The following GCA variants were observed in gnomAD, a reference collection of about 807,000 sequenced individuals.
GCA encodes grancalcin, EF-hand calcium-binding protein.
A neutral mutation model predicts 32.6 loss-of-function variants in GCA; 30 were observed. That is an observed-to-expected ratio of 0.92 (90% CI 0.69 to 1.25). GCA has a LOEUF of 1.25. Among genes scored for constraint, GCA ranks in the 50% most tolerant of loss-of-function variants. The pLI, the probability that GCA is intolerant of heterozygous loss-of-function variation, is 0.00. For missense variants in GCA, 291 were observed against 266.8 expected (o/e 1.09, Z -0.63); for synonymous variants, 102 against 84.6 (o/e 1.21, Z -1.13).
rs766783966 is a variant in GCA at position 162,359,550 on chromosome 2, G to A, written c.625G>A (p.Asp209Asn). ...AGGGTCTGCGAATTTCATATATGAC[G>A]ATGTGAGTATCCTGCTTTTGATATT... The part of the protein sequence containing the change: ...QQGSANFIYD[D>N]FLQGTMAI Residue 209 changes from aspartate (D) to asparagine (N), a missense_variant and splice_region_variant, in exon 7 of 8, where the codon GAT (aspartate) becomes AAT (asparagine). Transcript: ENST00000437150. 4.7e-6 allele frequency: 7 copies of A among 1,504,294 alleles called. No individual in the cohort carries two copies. Among genetic ancestry groups the A allele is most frequent in the South Asian group, 3.6e-5 (3 of 84,436 alleles). 93.2% of individuals were successfully genotyped at this position (1,504,294 alleles called of 1,614,324 possible).
chr2:162,331,984 GA>G (rs1438425005), intron 1 of GCA, among the ~76,000 whole-genome samples: 2 of 152,024 alleles, frequency 1.3e-5, no homozygotes, highest in Admixed American at 1.3e-4. Flanking sequence ...TAATTGCTTA[GA>G]ACAAATAAAA....
At chr2:162,320,653 T>C (rs987583640) in intron 1 of GCA, among the ~76,000 whole-genome samples, 1 of 152,226 alleles carries the variant, frequency 6.6e-6, no homozygotes, top group African/African-American at 2.4e-5. Flanking sequence ...TATTTAAATA[T>C]TTGGCATTCA....
At chr2:162,344,628 T>G (rs1304556500) in intron 1 of GCA, 6 of 378,830 alleles carry the variant, frequency 1.6e-5, no homozygotes, top group Non-Finnish European at 2.9e-5. Context: ...CACTCAGTGT[T>G]GCTAGAGATC....
chr2:162,373,498 G>C, downstream of GCA: 1 of 1,569,322 alleles, frequency 6.4e-7, no homozygotes, highest in South Asian at 1.2e-5. Context: ...ACTTCGGTCA[G>C]TTTTGATGGA....
intron 1 of GCA, among the ~76,000 whole-genome samples, chr2:162,347,093 A>G (rs1458993379): frequency 6.6e-6 from 1 of 152,164 alleles, no homozygotes; most frequent in Non-Finnish European, 1.5e-5. Flanking sequence ...TTATATTGAC[A>G]TATAAAGTTT....
In GCA at chr2:162,356,762, A is replaced by C. The variant is rs1274926193; in HGVS notation, c.311A>C (p.Asp104Ala). The change falls in exon 5 of 8, where the codon GAT becomes GCT. Residue 104 changes from aspartate to alanine, a missense_variant. Transcript: ENST00000437150. ...CRIMIAMLDRDHTGKMGFNAF... is the reference protein window; with the variant it reads ...CRIMIAMLDRAHTGKMGFNAF... ...TTTTGTTAATAAAACTATCAGAGAG[A>C]TCACACAGGAAAAATGGGATTTAAT... 6.2e-7 allele frequency: 1 copy of C among 1,602,678 alleles called. No individual in the cohort carries two copies. Among genetic ancestry groups the C allele is most frequent in the Non-Finnish European group, 8.5e-7 (1 of 1,172,786 alleles).
At chr2:162,364,810 G>A (rs968685343), downstream of GCA, among the ~76,000 whole-genome samples, 6 of 151,546 alleles carry the variant, frequency 4.0e-5, no homozygotes, top group African/African-American at 1.5e-4. Context: ...TTAAAAAAAT[G>A]AAGCAAACGT....
At chr2:162,337,391 A>G (rs561967896) in intron 1 of GCA, among the ~76,000 whole-genome samples, 37 of 152,318 alleles carry the variant, frequency 2.4e-4, no homozygotes, top group Admixed American at 2.2e-3. Flanking sequence ...ATGGGTCCTC[A>G]ACACTGCTTG....
intron 1 of GCA, among the ~76,000 whole-genome samples, chr2:162,320,995 A>G (rs1345521547): frequency 1.3e-5 from 2 of 152,162 alleles, no homozygotes; most frequent in Non-Finnish European, 2.9e-5. Flanking sequence ...TTTTCTCACA[A>G]GTAGGAGTCT....
chr2:162,373,219 T>A (rs1020856201), downstream of GCA, among the ~76,000 whole-genome samples: 7 of 151,988 alleles, frequency 4.6e-5, no homozygotes, highest in South Asian at 2.1e-4. Flanking sequence ...GTTTTCCTTT[T>A]AAAAAAAATG....
chr2:162,356,598 A>G, intron 4 of GCA, 117 bp downstream of exon 4: 1 of 866,358 alleles, frequency 1.2e-6, no homozygotes, highest in South Asian at 1.5e-5. Flanking sequence ...AATACTTTGT[A>G]AGATCCTGTT....
exon 5 of GCA, chr2:162,371,423 C>T: frequency 7.8e-7 from 1 of 1,287,936 alleles, no homozygotes; most frequent in Non-Finnish European, 1.0e-6. Context: ...TGAGGATCAT[C>T]TGAATTTGAG....
chr2:162,342,136 C>T (rs894504777), upstream of GCA, among the ~76,000 whole-genome samples: 74 of 151,986 alleles, frequency 4.9e-4, no homozygotes, highest in African/African-American at 1.7e-3. Context: ...AACTCTATGG[C>T]CTTATTTGAA....
chr2:162,335,359 G>A (rs1206214003), intron 1 of GCA, among the ~76,000 whole-genome samples: 2 of 149,712 alleles, frequency 1.3e-5, no homozygotes, highest in Non-Finnish European at 3.0e-5. Flanking sequence ...AGGTTGCAGT[G>A]AGCTGAGATC....
At chr2:162,341,267 T>TTATATATATATATA (rs3052040), upstream of GCA, among the ~76,000 whole-genome samples, 608 of 116,176 alleles carry the variant, frequency 5.2e-3, 3 homozygotes, top group Non-Finnish European at 6.3e-3. Context: ...CTTATTTATT[T>TTATATATATATATA]TATATATATA....
upstream of GCA, among the ~76,000 whole-genome samples, chr2:162,343,932 G>A (rs1684537413): frequency 6.6e-6 from 1 of 152,180 alleles, no homozygotes; most frequent in South Asian, 2.1e-4. Flanking sequence ...ACCTGAGGGA[G>A]CCAGTAAGAG....
chr2:162,342,969 G>A (rs1235748609), upstream of GCA, among the ~76,000 whole-genome samples: 4 of 152,170 alleles, frequency 2.6e-5, no homozygotes, highest in Admixed American at 6.5e-5. Context: ...CAGCATTGAA[G>A]GAACTTACAG....
upstream of GCA, among the ~76,000 whole-genome samples, chr2:162,343,429 A>C (rs1200114890): frequency 1.3e-5 from 2 of 152,264 alleles, no homozygotes; most frequent in East Asian, 3.8e-4. Flanking sequence ...TATAAACAGC[A>C]AATAAGTTTT....
At chr2:162,332,322 A>T (rs182569097) in intron 1 of GCA, among the ~76,000 whole-genome samples, 6,388 of 136,550 alleles carry the variant, frequency 0.047, 269 homozygotes, top group African/African-American at 0.11. Context: ...AAAAAAAAAA[A>T]ATATATATAT....
Sources: allele counts gnomAD v4.1 joint callset (sites outside exome capture counted in the v4.1 genomes callset), GRCh38; gene constraint gnomAD v4.1.1; transcripts MANE v1.5; gene names NCBI Gene and HGNC (gene_info 2026-07-23, HGNC 2026-07-21).